Variants in GMDS observed in about 807,000 individuals in gnomAD.
GMDS encodes the protein GDP-mannose 4,6 dehydratase.
Under a neutral mutation model 49.9 loss-of-function variants are expected in GMDS, and 20 were observed. That is an observed-to-expected ratio of 0.40 (90% CI 0.28 to 0.58). The LOEUF (loss-of-function observed/expected upper bound fraction) is 0.58, where lower values mean the gene tolerates loss of function less well. Among genes scored for constraint, GMDS ranks in the 20% least tolerant of loss-of-function variants. GMDS has a pLI of 0.42. For synonymous variants in GMDS, 177 were observed against 178.6 expected, an observed-to-expected ratio of 0.99 and a Z score of 0.07; for missense variants, 362 against 481.4, an observed-to-expected ratio of 0.75 and a Z score of 2.32.
intron 7 of GMDS, among the ~76,000 whole-genome samples, chr6:1,765,076 T>C (rs1424767473): frequency 6.6e-6 from 1 of 152,116 alleles, no homozygotes; most frequent in Non-Finnish European, 1.5e-5. Context: ...GAAGAAACCT[T>C]AACTGACAGG....
intron 1 of GMDS, among the ~76,000 whole-genome samples, chr6:2,190,858 C>T (rs936629967): frequency 6.6e-6 from 1 of 152,098 alleles, no homozygotes. Flanking sequence ...AAAGGTGGGT[C>T]CCCTGTGCCC....
chr6:2,130,167 T>C (rs1255796403), intron 1 of GMDS, among the ~76,000 whole-genome samples: 1 of 150,710 alleles, frequency 6.6e-6, no homozygotes, highest in Non-Finnish European at 1.5e-5. Flanking sequence ...CAAATGGAAT[T>C]ACCAAAGTGA....
At chr6:1,634,530 T>A (rs1320115341) in intron 9 of GMDS, among the ~76,000 whole-genome samples, 2 of 152,208 alleles carry the variant, frequency 1.3e-5, no homozygotes, top group African/African-American at 4.8e-5. Flanking sequence ...TCTGGGTGTG[T>A]CTCTCTGTGT....
chr6:1,701,568 A>C (rs957288634), intron 9 of GMDS, among the ~76,000 whole-genome samples: 9 of 151,484 alleles, frequency 5.9e-5, no homozygotes, highest in Admixed American at 3.3e-4. Flanking sequence ...GTGCATATTC[A>C]AAAAAAAAGA....
chr6:2,088,961 G>T (rs1196106568), intron 4 of GMDS, among the ~76,000 whole-genome samples: 1 of 152,150 alleles, frequency 6.6e-6, no homozygotes, highest in African/African-American at 2.4e-5. Flanking sequence ...AGTTTTATCT[G>T]TTCTCTCTTT....
At chr6:2,054,437 A>G (rs1263724806) in intron 4 of GMDS, among the ~76,000 whole-genome samples, 1 of 152,116 alleles carries the variant, frequency 6.6e-6, no homozygotes, top group Non-Finnish European at 1.5e-5. Flanking sequence ...TGAATTTCCT[A>G]ATTTTTATGA....
At chr6:1,681,649 C>G (rs971422875) in intron 9 of GMDS, among the ~76,000 whole-genome samples, 1 of 152,184 alleles carries the variant, frequency 6.6e-6, no homozygotes, top group Non-Finnish European at 1.5e-5. Flanking sequence ...CCAGCAACCC[C>G]CACCATAAAG....
rs78194520 is a variant in GMDS at position 2,008,620 on chromosome 6, G to A, written c.346-47654C>T. ...GGGCAAAAAGAGAAGCATTCTTGTAGATAACAGACAATTAAGGAGCTTAGC... is the reference window on the plus strand; with the variant it reads ...GGGCAAAAAGAGAAGCATTCTTGTAAATAACAGACAATTAAGGAGCTTAGC... On this transcript the variant is annotated intron_variant, in intron 4 of 10. Coordinates refer to ENST00000380815, the MANE Select transcript of GMDS (RefSeq NM_001500.4). Among the ~76,000 whole-genome samples the A allele has an allele frequency of 1.8e-3, 274 of 152,300 alleles. 6 individuals are homozygous for A. The East Asian group carries it at 0.046, about 25-fold the overall frequency.
In GMDS at chr6:1,946,437, G is replaced by T. The variant is rs573266704; in HGVS notation, c.643+13430C>A. On this transcript the variant is annotated intron_variant, in intron 6 of 10. Transcript: ENST00000380815. Reference sequence around the variant, plus strand: ...AACTACTTCATCGTTTTATTATGGGGATTAAAAGAGATGAGTGACAGAGCA... The same window carrying T: ...AACTACTTCATCGTTTTATTATGGGTATTAAAAGAGATGAGTGACAGAGCA... Among the ~76,000 whole-genome samples, 9 of 152,222 alleles carry T rather than the reference G, an allele frequency of 5.9e-5. No homozygotes were observed. The East Asian group carries it at 1.5e-3, about 26-fold the overall frequency.
chr6:1,749,539 G>A (rs886366650), intron 7 of GMDS, among the ~76,000 whole-genome samples: 1 of 151,790 alleles, frequency 6.6e-6, no homozygotes, highest in African/African-American at 2.4e-5. Flanking sequence ...GTGGCAGTGA[G>A]CTGAGATCAT....
chr6:2,081,599 T>C (rs1425037565), intron 4 of GMDS, among the ~76,000 whole-genome samples: 5 of 152,156 alleles, frequency 3.3e-5, no homozygotes, highest in Middle Eastern at 3.4e-3. Context: ...AAAAAGCCAA[T>C]GTTTGCATTT....
intron 7 of GMDS, among the ~76,000 whole-genome samples, chr6:1,802,666 A>G (rs1233500390): frequency 2.0e-5 from 3 of 152,272 alleles, no homozygotes; most frequent in Non-Finnish European, 4.4e-5. Context: ...AGGGCGGCAC[A>G]GTAAGATTCC....
chr6:2,103,804 T>C (rs1354867876), intron 4 of GMDS, among the ~76,000 whole-genome samples: 1 of 152,274 alleles, frequency 6.6e-6, no homozygotes, highest in Non-Finnish European at 1.5e-5. Flanking sequence ...TAATGATGAC[T>C]GTCATCTTTT....
At chr6:1,868,735 T>C (rs1758567646) in intron 7 of GMDS, among the ~76,000 whole-genome samples, 1 of 152,184 alleles carries the variant, frequency 6.6e-6, no homozygotes. Context: ...AGTAAATGCT[T>C]AGTGACTCCA....
At chr6:2,126,655 G>C (rs1231167762) in intron 1 of GMDS, among the ~76,000 whole-genome samples, 1 of 152,082 alleles carries the variant, frequency 6.6e-6, no homozygotes, top group Non-Finnish European at 1.5e-5. Context: ...TCTTTTTTAA[G>C]ATGGAGTCTC....
chr6:2,121,325 T>C (rs1037828598), intron 2 of GMDS, among the ~76,000 whole-genome samples: 3 of 152,174 alleles, frequency 2.0e-5, no homozygotes, highest in Non-Finnish European at 4.4e-5. Context: ...AATTCTTAGG[T>C]TTCCTCATTA....
chr6:2,169,787 T>C (rs1777865437), intron 1 of GMDS, among the ~76,000 whole-genome samples: 1 of 152,182 alleles, frequency 6.6e-6, no homozygotes, highest in Admixed American at 6.5e-5. Flanking sequence ...CATCCTCAAA[T>C]ACTGATTCAA....
At chr6:1,907,918 G>C (rs1760857312) in intron 7 of GMDS, among the ~76,000 whole-genome samples, 1 of 152,162 alleles carries the variant, frequency 6.6e-6, no homozygotes, top group Non-Finnish European at 1.5e-5. Context: ...CACACACGAT[G>C]TTTTTTCCCA....
At chr6:1,997,720 G>T (rs1173525769) in intron 4 of GMDS, among the ~76,000 whole-genome samples, 1 of 152,124 alleles carries the variant, frequency 6.6e-6, no homozygotes, top group East Asian at 1.9e-4. Flanking sequence ...ATCTCCACTG[G>T]CCAATTTGGT....
Sources: gnomAD v4.1 joint callset for allele counts (sites outside exome capture counted in the v4.1 genomes callset) on GRCh38, gnomAD v4.1.1 for gene constraint, MANE v1.5 for transcripts, NCBI Gene and HGNC (gene_info 2026-07-23, HGNC 2026-07-21) for gene names.